PLD5: variants seen among roughly 807,000 people sequenced by gnomAD.
The protein encoded by PLD5 is inactive phospholipase D5.
A neutral mutation model predicts 61.1 loss-of-function variants in PLD5; 36 were observed. That is an observed-to-expected ratio of 0.59 (90% confidence interval 0.45 to 0.78). PLD5 has a LOEUF of 0.78. Ranked by LOEUF, PLD5 falls within the 30% of genes least tolerant of loss-of-function variation. The pLI is 0.00. For missense variants in PLD5, 515 were observed against 644.4 expected (o/e 0.80, Z 2.17); for synonymous variants, 243 against 242.8 (o/e 1.00, Z -0.01).
At position 242,256,806 on chromosome 1, in the gene PLD5, ATCTT is replaced by A. The variant is rs1360800461; in HGVS notation, c.607+8527_607+8530del. On this transcript the variant is annotated intron_variant, in intron 4 of 9. Transcript: ENST00000536534. This position sits in a 1 kb window ranked among gnomAD's most constrained non-coding sequence, Gnocchi z 5.7. ...TCTATCTATCTATCTATTAATATCTATCTTTCTATGTATCTGTCATCTATTTCTT... is the reference window on the plus strand; with the variant it reads ...TCTATCTATCTATCTATTAATATCTATCTATGTATCTGTCATCTATTTCTT... Among the ~76,000 whole-genome samples, 10 of 149,886 alleles carry A rather than the reference ATCTT, an allele frequency of 6.7e-5. No individual in the cohort carries two copies. In the East Asian group the frequency reaches 9.9e-4, roughly 15 times the overall value.
chr1:242,279,534 T>C (rs558715735), intron 3 of PLD5, among the ~76,000 whole-genome samples: 44 of 151,114 alleles, frequency 2.9e-4, no homozygotes, highest in South Asian at 1.5e-3. Flanking sequence ...TATTTTTCTG[T>C]CTCTCATTTT....
chr1:242,390,135 T>C (rs565174545), intron 1 of PLD5, among the ~76,000 whole-genome samples: 1 of 148,004 alleles, frequency 6.8e-6, no homozygotes, highest in East Asian at 2.0e-4. Context: ...CTCAGCTCAC[T>C]GCAGTCTCTG....
intron 1 of PLD5, among the ~76,000 whole-genome samples, chr1:242,517,609 A>G (rs967926245): frequency 4.9e-4 from 75 of 152,270 alleles, no homozygotes; most frequent in African/African-American, 1.7e-3. Context: ...TTTATCATCT[A>G]AACAACCTGT....
At chr1:242,103,012 C>T (rs1000461439) in intron 8 of PLD5, among the ~76,000 whole-genome samples, 6 of 152,072 alleles carry the variant, frequency 3.9e-5, no homozygotes, top group Admixed American at 2.0e-4. Flanking sequence ...CTGCAGGTGC[C>T]CTAGTGGCAG....
chr1:242,152,946 T>C (rs962007701), intron 5 of PLD5, among the ~76,000 whole-genome samples: 9 of 146,220 alleles, frequency 6.2e-5, no homozygotes, highest in Middle Eastern at 3.6e-3. Flanking sequence ...TCTTCCACAA[T>C]GGTTGAACTA....
chr1:242,227,445 AC>A (rs1207184147), intron 4 of PLD5, among the ~76,000 whole-genome samples: 2 of 151,920 alleles, frequency 1.3e-5, no homozygotes, highest in East Asian at 3.9e-4. Context: ...GCTCATTGCA[AC>A]CTCTGCCTCA....
rs989481857 is a variant in PLD5, at chr1:242,087,151, G to T, written c.*2703C>A. ...ACCCATTTCTGACACTCTTGGTATG[G>T]GGGTCACTTTTCTGGCTGCCACAGA... is the stretch of plus-strand genomic sequence containing the variant. On this transcript the variant is annotated 3_prime_UTR_variant, in exon 10 of 10. Transcript: ENST00000536534. The T allele has an allele frequency of 6.6e-6, 1 of 152,128 alleles. No individual in the cohort carries two copies. The highest frequency in any genetic ancestry group is 2.4e-5 in the African/African-American group (1 of 41,406). The allele number at this position is 152,128 out of a possible 1,614,324, so 9.4% of individuals were successfully genotyped here.
At chr1:242,504,335 GT>G (rs1306029686) in intron 1 of PLD5, among the ~76,000 whole-genome samples, 1 of 152,118 alleles carries the variant, frequency 6.6e-6, no homozygotes, top group Admixed American at 6.5e-5. Flanking sequence ...GCTTTCTTAA[GT>G]AAAAAATAGA....
At chr1:242,122,735 T>C (rs995566171) in intron 6 of PLD5, among the ~76,000 whole-genome samples, 4 of 152,244 alleles carry the variant, frequency 2.6e-5, no homozygotes, top group African/African-American at 9.6e-5. Flanking sequence ...TCCTTCATAG[T>C]CTATTTTCTG....
intron 1 of PLD5, among the ~76,000 whole-genome samples, chr1:242,480,006 G>A (rs556057293): frequency 2.6e-5 from 4 of 151,090 alleles, no homozygotes; most frequent in South Asian, 2.1e-4. Context: ...AGTCGAGATC[G>A]TGCCACTGCA....
intron 1 of PLD5, among the ~76,000 whole-genome samples, chr1:242,447,817 C>G (rs1163342780): frequency 6.6e-6 from 1 of 152,178 alleles, no homozygotes; most frequent in Non-Finnish European, 1.5e-5. Flanking sequence ...TCCCTGAATA[C>G]TGTAAGAGAA....
chr1:242,328,998 T>G (rs879316414), intron 2 of PLD5, among the ~76,000 whole-genome samples: 4 of 130,526 alleles, frequency 3.1e-5, no homozygotes, highest in Non-Finnish European at 6.4e-5. Context: ...TCCTGCAAAT[T>G]TTTTGTTTTA....
intron 1 of PLD5, 102 bp downstream of exon 1, chr1:242,523,986 C>G: frequency 7.7e-7 from 1 of 1,301,156 alleles, no homozygotes; most frequent in Non-Finnish European, 1.0e-6. Flanking sequence ...CCAGGATCCC[C>G]TCGCCTGCCC....
intron 5 of PLD5, among the ~76,000 whole-genome samples, chr1:242,167,713 A>G (rs1666432776): frequency 6.6e-6 from 1 of 152,270 alleles, no homozygotes; most frequent in Non-Finnish European, 1.5e-5. Flanking sequence ...AATAAGGCAC[A>G]GAGAGGTACA....
chr1:242,523,955 G>T, intron 1 of PLD5, 133 bp downstream of exon 1: 1 of 1,002,778 alleles, frequency 1.0e-6, no homozygotes, highest in Non-Finnish European at 1.4e-6. Flanking sequence ...CCCCGAATCC[G>T]ACCTAGGACG....
chr1:242,514,705 G>T (rs933889021), intron 1 of PLD5, among the ~76,000 whole-genome samples: 2 of 152,178 alleles, frequency 1.3e-5, no homozygotes, highest in Non-Finnish European at 2.9e-5. Flanking sequence ...GAGTAGTTTA[G>T]TGGGAAAGGC....
chr1:242,490,621 T>A (rs1668116870), intron 1 of PLD5, among the ~76,000 whole-genome samples: 1 of 152,234 alleles, frequency 6.6e-6, no homozygotes, highest in African/African-American at 2.4e-5. Flanking sequence ...TCTAAAACAC[T>A]GAATATTGGG....
rs989434604 is a variant in PLD5, at chr1:242,511,311, A to T, written c.189+12777T>A. Among the ~76,000 whole-genome samples the T allele has an allele frequency of 1.3e-4, 20 of 152,378 alleles. 2 individuals are homozygous for T. The highest frequency in any genetic ancestry group is 1.3e-3 in the Admixed American group (20 of 15,308). On this transcript the variant is annotated intron_variant, in intron 1 of 9. Transcript: ENST00000536534. Reference sequence around the variant, plus strand: ...AATAGACTAATCTTCCTTACAAAAAATTACAAAGAATAAATGCAATCACTC... The same window carrying T: ...AATAGACTAATCTTCCTTACAAAAATTTACAAAGAATAAATGCAATCACTC...
intron 1 of PLD5, among the ~76,000 whole-genome samples, chr1:242,399,556 T>C (rs1251973887): frequency 1.3e-5 from 2 of 152,240 alleles, no homozygotes; most frequent in East Asian, 1.9e-4. Context: ...AAAACACATT[T>C]TGATCCTTAT....
Sources: allele counts gnomAD v4.1 joint callset (sites outside exome capture counted in the v4.1 genomes callset), GRCh38; gene constraint gnomAD v4.1.1; non-coding constraint Gnocchi (gnomAD v3.1); transcripts MANE v1.5; gene names NCBI Gene and HGNC (gene_info 2026-07-23, HGNC 2026-07-21).